Variants in ASCC3 observed in about 807,000 individuals in gnomAD.
ASCC3 encodes the protein activating signal cointegrator 1 complex subunit 3.
Under a neutral mutation model 256.3 loss-of-function variants are expected in ASCC3, and 158 were observed. That is an observed-to-expected ratio of 0.62 (90% confidence interval 0.54 to 0.70). ASCC3 has a LOEUF of 0.70. Among genes scored for constraint, ASCC3 ranks in the 30% least tolerant of loss-of-function variants. ASCC3 has a pLI of 0.00. For synonymous variants in ASCC3, 948 were observed against 883.4 expected, an observed-to-expected ratio of 1.07 and a Z score of -1.30; for missense variants, 2,259 against 2,626.0, an observed-to-expected ratio of 0.86 and a Z score of 3.05.
intron 10 of ASCC3, among the ~76,000 whole-genome samples, chr6:100,731,166 G>C (rs1196121289): frequency 5.9e-5 from 9 of 152,064 alleles, no homozygotes; most frequent in Admixed American, 3.3e-4. Flanking sequence ...TGAAGGAACA[G>C]AGCAGGAAAT....
At chr6:100,616,873 G>A (rs1353289156) in intron 30 of ASCC3, among the ~76,000 whole-genome samples, 2 of 152,198 alleles carry the variant, frequency 1.3e-5, no homozygotes, top group African/African-American at 4.8e-5. Flanking sequence ...CAGAGGTGTT[G>A]AGGGAAATAA....
intron 14 of ASCC3, among the ~76,000 whole-genome samples, chr6:100,677,478 C>A (rs1369761023): frequency 6.6e-5 from 10 of 152,098 alleles, no homozygotes; most frequent in Admixed American, 6.5e-4. Context: ...GGCCTCACTA[C>A]TTAATATGAG....
chr6:100,540,597 T>C (rs1475001382), intron 36 of ASCC3, among the ~76,000 whole-genome samples: 2 of 152,202 alleles, frequency 1.3e-5, no homozygotes, highest in Non-Finnish European at 2.9e-5. Context: ...TGAATGTTCC[T>C]TTGTATTTAT....
intron 39 of ASCC3, 25 bp downstream of exon 39, chr6:100,516,155 C>G: frequency 6.2e-7 from 1 of 1,613,226 alleles, no homozygotes; most frequent in Non-Finnish European, 8.5e-7. Context: ...GGGGAGCCTT[C>G]AAAACACTTA....
intron 22 of ASCC3, among the ~76,000 whole-genome samples, chr6:100,645,491 T>A (rs193195896): frequency 6.6e-6 from 1 of 152,256 alleles, no homozygotes; most frequent in African/African-American, 2.4e-5. Flanking sequence ...TTCATTGACA[T>A]TAAAGATGTA....
intron 1 of ASCC3, among the ~76,000 whole-genome samples, chr6:100,869,399 T>C (rs1773629375): frequency 6.6e-6 from 1 of 152,220 alleles, no homozygotes; most frequent in East Asian, 1.9e-4. Flanking sequence ...ATCTATGACC[T>C]ATATATTAGA....
chr6:100,865,415 TGCAAA>T (rs1183987382), intron 2 of ASCC3, among the ~76,000 whole-genome samples: 19 of 152,304 alleles, frequency 1.2e-4, no homozygotes, highest in Middle Eastern at 3.4e-3. Context: ...CAGAGTAACT[TGCAAA>T]GGGCCTTGGG....
chr6:100,605,762 T>C (rs1249742879), intron 32 of ASCC3, 62 bp from the exon 33 acceptor site: 17 of 1,538,756 alleles, frequency 1.1e-5, no homozygotes, highest in Non-Finnish European at 1.5e-5. Context: ...GTATATTTAC[T>C]GATTATGGCA....
At chr6:100,603,239 CA>C (rs143022926) in intron 33 of ASCC3, among the ~76,000 whole-genome samples, 4,603 of 149,756 alleles carry the variant, frequency 0.031, 78 homozygotes, top group African/African-American at 0.056. Context: ...GGTACAAAAC[CA>C]AAAAAAAATT....
intron 5 of ASCC3, among the ~76,000 whole-genome samples, chr6:100,805,000 C>G (rs569797454): frequency 1.8e-3 from 267 of 152,178 alleles, no homozygotes; most frequent in African/African-American, 6.2e-3. Flanking sequence ...CAGAATCAAC[C>G]TAAGTGCCCA....
chr6:100,759,221 G>A lies in ASCC3; in HGVS notation c.1737+7344C>T, dbSNP rs190665625. Among the ~76,000 whole-genome samples, 67 of 152,218 alleles carry A rather than the reference G, an allele frequency of 4.4e-4. 1 individual carries two copies. Among genetic ancestry groups the A allele is most frequent in the Admixed American group, 2.4e-3 (37 of 15,288 alleles). On this transcript the variant is annotated intron_variant, in intron 10 of 41. Transcript: ENST00000369162. ...TACTCTGATGATAGTTTCTTCTGCT[G>A]TGCAGAAGCTCTTTAGTTTAATTAG...
At chr6:100,511,722 A>G (rs1432525751) in intron 40 of ASCC3, among the ~76,000 whole-genome samples, 1 of 152,150 alleles carries the variant, frequency 6.6e-6, no homozygotes, top group Non-Finnish European at 1.5e-5. Flanking sequence ...CAAAAAAAAA[A>G]GCTCATACTA....
intron 8 of ASCC3, among the ~76,000 whole-genome samples, chr6:100,770,188 C>T (rs941274121): frequency 2.0e-5 from 3 of 151,930 alleles, no homozygotes; most frequent in Non-Finnish European, 4.4e-5. Flanking sequence ...TTATAAATGA[C>T]ATAATACATC....
rs548014324 is a variant in ASCC3 at position 100,522,360 on chromosome 6, C to T, written c.5776-4218G>A. Among the ~76,000 whole-genome samples the T allele has an allele frequency of 2.6e-4, 39 of 152,186 alleles. 1 individual carries two copies. In the Middle Eastern group the frequency reaches 0.014, roughly 53 times the overall value. On this transcript the variant is annotated intron_variant, in intron 37 of 41. Coordinates refer to ENST00000369162, the MANE Select transcript of ASCC3 (RefSeq NM_006828.4). Reference sequence around the variant, plus strand: ...TTATAAAATTATACTATAACTAAAACCTTATTTTAGTTAGCAAAAACAATA... The same window carrying T: ...TTATAAAATTATACTATAACTAAAATCTTATTTTAGTTAGCAAAAACAATA...
At chr6:100,609,874 C>T (rs747210059) in intron 30 of ASCC3, among the ~76,000 whole-genome samples, 6 of 152,088 alleles carry the variant, frequency 3.9e-5, no homozygotes, top group Non-Finnish European at 8.8e-5. Context: ...CATGCCAGTG[C>T]ATTCCAGCCT....
chr6:100,867,299 C>G (rs962008294), intron 2 of ASCC3, among the ~76,000 whole-genome samples: 3 of 152,110 alleles, frequency 2.0e-5, no homozygotes, highest in African/African-American at 7.2e-5. Flanking sequence ...AAGCAGGGGT[C>G]AGTCTTTACT....
intron 36 of ASCC3, among the ~76,000 whole-genome samples, chr6:100,558,764 C>T (rs1303152783): frequency 6.6e-6 from 1 of 152,154 alleles, no homozygotes; most frequent in East Asian, 1.9e-4. Flanking sequence ...GGCTTCTTAA[C>T]TCCTCAGTTA....
At chr6:100,607,219 A>G (rs1331987092) in intron 30 of ASCC3, 131 bp from the exon 31 acceptor site, 2 of 925,094 alleles carry the variant, frequency 2.2e-6, no homozygotes, top group Admixed American at 2.4e-5. Flanking sequence ...TCCTATATAC[A>G]GTTATGATTA....
intron 27 of ASCC3, 111 bp from the exon 28 acceptor site, chr6:100,628,098 AAAAACAAAAAAAAAG>A (rs1275866856): frequency 3.1e-4 from 357 of 1,151,016 alleles, no homozygotes; most frequent in Non-Finnish European, 3.9e-4. Context: ...AAACAAAAAA[AAAAACAAAAAAAAAG>A]CTAAAGCTAG....
Sources: allele counts gnomAD v4.1 joint callset (sites outside exome capture counted in the v4.1 genomes callset), GRCh38; gene constraint gnomAD v4.1.1; transcripts MANE v1.5; gene names NCBI Gene and HGNC (gene_info 2026-07-23, HGNC 2026-07-21).